Variants in LRP2 observed in about 807,000 individuals in gnomAD.
LRP2 encodes the protein LDL receptor related protein 2, also known as low-density lipoprotein receptor-related protein 2.
In LRP2, 172 loss-of-function variants were observed where a neutral mutation model predicts 531.0. That is an observed-to-expected ratio of 0.32 (90% CI 0.29 to 0.37). The LOEUF is 0.37. Ranked by LOEUF, LRP2 falls within the 10% of genes least tolerant of loss-of-function variation. The pLI, the probability that LRP2 is intolerant of heterozygous loss-of-function variation, is 1.00. For synonymous variants in LRP2, 1,992 were observed against 2,027.6 expected (o/e 0.98, Z 0.47); for missense variants, 5,167 against 5,868.3 (o/e 0.88, Z 3.90).
At chr2:169,354,991 T>C (rs1685951105) in intron 1 of LRP2, among the ~76,000 whole-genome samples, 1 of 152,130 alleles carries the variant, frequency 6.6e-6, no homozygotes, top group Non-Finnish European at 1.5e-5. Context: ...GTGAAGTAAA[T>C]TGGAAAAGGA....
intron 31 of LRP2, 60 bp downstream of exon 31, chr2:169,231,654 T>G (rs1196748946): frequency 1.2e-6 from 2 of 1,610,226 alleles, no homozygotes; most frequent in Non-Finnish European, 1.7e-6. Context: ...GAGTTTCCAC[T>G]GCTTGGCACA....
chr2:169,275,390 CATA>C, intron 13 of LRP2, 152 bp from the exon 14 acceptor site: 1 of 665,794 alleles, frequency 1.5e-6, no homozygotes, highest in Non-Finnish European at 2.6e-6. Context: ...TAGATGTATA[CATA>C]TTTCCATCTA....
chr2:169,140,624 T>A (rs1685687906), intron 71 of LRP2, 79 bp from the exon 72 acceptor site: 1 of 1,112,648 alleles, frequency 9.0e-7, no homozygotes. Context: ...CGGCCCAGGT[T>A]AGGGGTGGGA....
At chr2:169,233,977 C>T (rs1448736786) in intron 29 of LRP2, among the ~76,000 whole-genome samples, 3 of 152,208 alleles carry the variant, frequency 2.0e-5, no homozygotes, top group Non-Finnish European at 4.4e-5. Flanking sequence ...CCAGCCTTCA[C>T]TCCACCATCA....
chr2:169,164,664 T>C (rs2105265432), intron 62 of LRP2, among the ~76,000 whole-genome samples: 1 of 152,292 alleles, frequency 6.6e-6, no homozygotes, highest in East Asian at 1.9e-4. Flanking sequence ...GGAGGGTTGC[T>C]TGACTGTCAT....
intron 1 of LRP2, among the ~76,000 whole-genome samples, chr2:169,331,375 G>T (rs1379119853): frequency 6.6e-6 from 1 of 152,114 alleles, no homozygotes; most frequent in African/African-American, 2.4e-5. Context: ...TACCAAGAAC[G>T]CTGAGCAATG....
chr2:169,272,814 A>T, intron 15 of LRP2, 113 bp downstream of exon 15: 1 of 1,409,372 alleles, frequency 7.1e-7, no homozygotes, highest in Non-Finnish European at 1.0e-6. Flanking sequence ...TTTGCAGTCA[A>T]GAAGTTAGAC....
chr2:169,163,749 G>A (rs969896750), intron 62 of LRP2, among the ~76,000 whole-genome samples: 7 of 152,072 alleles, frequency 4.6e-5, no homozygotes, highest in Non-Finnish European at 7.4e-5. Flanking sequence ...CTGGGCTCCC[G>A]ACCTTCTATA....
In LRP2 at chr2:169,150,898, C is replaced by G. The variant is rs140499844; in HGVS notation, c.12590G>C (p.Gly4197Ala). 1.2e-5 allele frequency: 19 copies of G among 1,613,788 alleles called. No individual in the cohort carries two copies. Among genetic ancestry groups the G allele is most frequent in the African/African-American group, 1.1e-4 (8 of 74,878 alleles). ...PAAIAVNPKLGLMFWTDWGKE... is the reference protein window; with the variant it reads ...PAAIAVNPKLALMFWTDWGKE... ...GTTGAAGACTTCTCCAAGTACTTAC[C>G]CTAGTTTGGGATTCACAGCAATAGC... Residue 4197 changes from glycine to alanine, a missense_variant and splice_region_variant, in exon 68 of 79, where the codon GGG (glycine) becomes GCG (alanine). Gly to Ala is a moderately conservative substitution (Grantham distance 60, BLOSUM62 0). Transcript: ENST00000649046.
intron 1 of LRP2, among the ~76,000 whole-genome samples, chr2:169,347,162 T>C (rs1296892997): frequency 6.6e-6 from 1 of 152,212 alleles, no homozygotes; most frequent in Admixed American, 6.5e-5. Context: ...TGTGCATTAC[T>C]ATCTCAACTA....
At chr2:169,264,520 C>A (rs1690713616) in intron 16 of LRP2, among the ~76,000 whole-genome samples, 1 of 152,016 alleles carries the variant, frequency 6.6e-6, no homozygotes, top group Non-Finnish European at 1.5e-5. Flanking sequence ...AGCAGATTGA[C>A]AAACCAAACA....
intron 53 of LRP2, among the ~76,000 whole-genome samples, 177 bp downstream of exon 53, chr2:169,177,626 G>A (rs1050189694): frequency 5.9e-5 from 9 of 152,160 alleles, no homozygotes; most frequent in Admixed American, 2.0e-4. Context: ...CTTTCCCAGG[G>A]GAAGGGGGAT....
At chr2:169,290,141 T>C (rs1285392041) in intron 8 of LRP2, among the ~76,000 whole-genome samples, 1 of 152,096 alleles carries the variant, frequency 6.6e-6, no homozygotes, top group African/African-American at 2.4e-5. Context: ...AAATCCCTAG[T>C]TCCAGTCAGT....
intron 10 of LRP2, among the ~76,000 whole-genome samples, chr2:169,281,023 T>A (rs896594263): frequency 2.0e-5 from 3 of 152,236 alleles, no homozygotes; most frequent in African/African-American, 7.2e-5. Flanking sequence ...TTAATTGCAG[T>A]CTTATTGGCA....
chr2:169,207,369 T>C, intron 38 of LRP2, 119 bp from the exon 39 acceptor site: 1 of 736,250 alleles, frequency 1.4e-6, no homozygotes, highest in Admixed American at 2.2e-5. Context: ...ATATGTTGTC[T>C]TTTCCAAGAT....
chr2:169,155,833 G>T (rs192602524), intron 65 of LRP2, among the ~76,000 whole-genome samples: 3 of 152,110 alleles, frequency 2.0e-5, no homozygotes, highest in Non-Finnish European at 2.9e-5. Flanking sequence ...CCCAATTCAC[G>T]AGCCCTCTTG....
At chr2:169,356,310 G>T (rs1215761146) in intron 1 of LRP2, among the ~76,000 whole-genome samples, 1 of 152,204 alleles carries the variant, frequency 6.6e-6, no homozygotes, top group African/African-American at 2.4e-5. Flanking sequence ...CCACTGTAAG[G>T]ATGTAACAAC....
At position 169,140,535 on chromosome 2, in the gene LRP2, C is replaced by A. The variant is rs747102800; in HGVS notation, c.13119G>T (p.Leu4373=). 2 of 1,613,498 alleles carry A rather than the reference C, an allele frequency of 1.2e-6. No homozygotes were observed. Among genetic ancestry groups the A allele is most frequent in the South Asian group, 2.2e-5 (2 of 91,074 alleles). ...TGCATGGGGGGGGCAGGTTGATAGG[C>A]AGTTCGATGGCTGCAGGAAGGGAAA... ...STTECDAAIE[L]PINLPPPCRC... is the part of the protein sequence containing the mutation. Residue 4373 remains leucine, a synonymous_variant, in exon 72 of 79, where the codon CTG becomes CTT. Transcript: ENST00000649046.
intron 52 of LRP2, 105 bp downstream of exon 52, chr2:169,181,343 G>T: frequency 8.7e-7 from 1 of 1,144,398 alleles, no homozygotes. Context: ...ACTTCCAACA[G>T]ACAGGCCAGT....
Sources: gnomAD v4.1 joint callset for allele counts (sites outside exome capture counted in the v4.1 genomes callset) on GRCh38, gnomAD v4.1.1 for gene constraint, MANE v1.5 for transcripts, NCBI Gene and HGNC (gene_info 2026-07-23, HGNC 2026-07-21) for gene names.